Variants in CSGALNACT1 observed in about 807,000 individuals in gnomAD.
CSGALNACT1 encodes the protein beta4GalNAcT-1.
Under a neutral mutation model 51.0 loss-of-function variants are expected in CSGALNACT1, and 52 were observed. The observed-to-expected ratio is 1.02, with a 90% CI of 0.82 to 1.29. The LOEUF is 1.29. CSGALNACT1 is among the 50% of genes most tolerant of loss of function. The pLI is 0.00. For synonymous variants in CSGALNACT1, 341 were observed against 254.4 expected (o/e 1.34, Z -3.24); for missense variants, 935 against 679.2 (o/e 1.38, Z -4.19).
At chr8:19,696,941 G>A (rs1478268202) in intron 1 of CSGALNACT1, among the ~76,000 whole-genome samples, 1 of 152,162 alleles carries the variant, frequency 6.6e-6, no homozygotes, top group Non-Finnish European at 1.5e-5. Context: ...AGCATGAAAA[G>A]CAACCCCACG....
chr8:19,655,112 T>C (rs963118406), intron 1 of CSGALNACT1, among the ~76,000 whole-genome samples: 2 of 152,166 alleles, frequency 1.3e-5, no homozygotes, highest in Non-Finnish European at 2.9e-5. Context: ...AATCGCTCTT[T>C]GGAAAATAGT....
At chr8:19,469,220 T>C (rs143603169) in intron 4 of CSGALNACT1, among the ~76,000 whole-genome samples, 4,154 of 152,116 alleles carry the variant, frequency 0.027, 93 homozygotes, top group Non-Finnish European at 0.04. Flanking sequence ...CAAGACCTTG[T>C]CTCTAGAAAA....
chr8:19,696,945 C>T (rs1024847409), intron 1 of CSGALNACT1, among the ~76,000 whole-genome samples: 6 of 152,102 alleles, frequency 3.9e-5, no homozygotes, highest in African/African-American at 1.2e-4. Context: ...TGAAAAGCAA[C>T]CCCACGTGAT....
chr8:19,662,408 T>C (rs1056369417), intron 1 of CSGALNACT1, among the ~76,000 whole-genome samples: 10 of 152,010 alleles, frequency 6.6e-5, no homozygotes, highest in African/African-American at 2.4e-4. Context: ...ATATCTGAAA[T>C]CCAGCAACCA....
intron 4 of CSGALNACT1, among the ~76,000 whole-genome samples, chr8:19,502,578 G>GT (rs1165102257): frequency 3.3e-5 from 5 of 152,190 alleles, no homozygotes; most frequent in Admixed American, 6.5e-5. Context: ...CTCTCAAAGT[G>GT]TGGAGAACTC....
intron 1 of CSGALNACT1, among the ~76,000 whole-genome samples, chr8:19,691,102 A>C (rs1272584448): frequency 1.3e-5 from 2 of 152,186 alleles, no homozygotes; most frequent in African/African-American, 4.8e-5. Flanking sequence ...AAAGAAAAGA[A>C]GAAAAACACA....
At chr8:19,430,212 T>G (rs1328792654) in intron 6 of CSGALNACT1, among the ~76,000 whole-genome samples, 2 of 152,224 alleles carry the variant, frequency 1.3e-5, no homozygotes, top group Non-Finnish European at 2.9e-5. Context: ...AAAGTTCAAC[T>G]TATCTGCTTA....
At chr8:19,712,574 A>T (rs2062573788) in intron 1 of CSGALNACT1, among the ~76,000 whole-genome samples, 1 of 152,168 alleles carries the variant, frequency 6.6e-6, no homozygotes, top group Admixed American at 6.6e-5. Flanking sequence ...CAAACTCAGC[A>T]TATCCTAAAA....
chr8:19,724,981 C>T (rs981487825), intron 1 of CSGALNACT1, among the ~76,000 whole-genome samples: 12 of 152,194 alleles, frequency 7.9e-5, no homozygotes, highest in African/African-American at 2.7e-4. Flanking sequence ...CCCTGCTGCC[C>T]CTGATCTCTC....
At chr8:19,507,275 G>C (rs1372297647) in intron 3 of CSGALNACT1, among the ~76,000 whole-genome samples, 1 of 152,074 alleles carries the variant, frequency 6.6e-6, no homozygotes, top group South Asian at 2.1e-4. Flanking sequence ...CTCTGCTCCA[G>C]TGTCTATGAG....
At chr8:19,721,251 G>A (rs1190436355) in intron 1 of CSGALNACT1, among the ~76,000 whole-genome samples, 7 of 152,112 alleles carry the variant, frequency 4.6e-5, no homozygotes, top group Admixed American at 6.5e-5. Flanking sequence ...CCCGGAGACT[G>A]TGAAACTGAT....
chr8:19,504,793 A>G (rs980048672), intron 4 of CSGALNACT1, among the ~76,000 whole-genome samples: 7 of 152,236 alleles, frequency 4.6e-5, no homozygotes, highest in South Asian at 2.1e-4. Flanking sequence ...TGGGAAAAGA[A>G]TAAGTGTGGC....
chr8:19,661,492 A>C (rs888089575), intron 1 of CSGALNACT1, among the ~76,000 whole-genome samples: 1 of 152,232 alleles, frequency 6.6e-6, no homozygotes, highest in African/African-American at 2.4e-5. Flanking sequence ...CAGTGCTTGT[A>C]TGAGGGTTGG....
chr8:19,603,605 C>T (rs371361063), upstream of CSGALNACT1, among the ~76,000 whole-genome samples: 9 of 152,338 alleles, frequency 5.9e-5, no homozygotes, highest in Admixed American at 3.9e-4. Context: ...GTTACTTCAG[C>T]GCCTGCAGGC....
chr8:19,689,100 T>C (rs2061143416), intron 1 of CSGALNACT1, among the ~76,000 whole-genome samples: 1 of 152,186 alleles, frequency 6.6e-6, no homozygotes, highest in African/African-American at 2.4e-5. Flanking sequence ...ATTCTCCTCT[T>C]AATCCATCTC....
At chr8:19,525,615 C>CAAAA (rs34787475) in intron 3 of CSGALNACT1, among the ~76,000 whole-genome samples, 378 of 20,424 alleles carry the variant, frequency 0.019, 79 homozygotes, top group African/African-American at 0.023. Flanking sequence ...AAACTTGTCC[C>CAAAA]AAAAAAAAAA....
At chr8:19,553,095 G>C (rs2088626567) in intron 3 of CSGALNACT1, among the ~76,000 whole-genome samples, 1 of 152,128 alleles carries the variant, frequency 6.6e-6, no homozygotes. Flanking sequence ...ACAGAAATTT[G>C]AGCCTGGCCT....
At chr8:19,426,289 T>C (rs935864125) in intron 6 of CSGALNACT1, among the ~76,000 whole-genome samples, 3 of 152,154 alleles carry the variant, frequency 2.0e-5, no homozygotes, top group Non-Finnish European at 4.4e-5. Context: ...CTTGTGTATA[T>C]ACACCCACCT....
chr8:19,561,473 C>T (rs1190542256), intron 3 of CSGALNACT1, among the ~76,000 whole-genome samples: 4 of 152,096 alleles, frequency 2.6e-5, no homozygotes, highest in Non-Finnish European at 4.4e-5. Flanking sequence ...AGTCCCTCTC[C>T]GAGGCCCCAC....
Sources: gnomAD v4.1 joint callset for allele counts (sites outside exome capture counted in the v4.1 genomes callset) on GRCh38, gnomAD v4.1.1 for gene constraint, MANE v1.5 for transcripts, NCBI Gene and HGNC (gene_info 2026-07-23, HGNC 2026-07-21) for gene names.